Variants in SEPTIN3 observed in about 807,000 individuals in gnomAD.
SEPTIN3 encodes neuronal-specific septin-3.
SEPTIN3 carries 15 observed loss-of-function variants against 45.1 expected under a neutral mutation model. The ratio of observed to expected loss-of-function variants is 0.33; its 90% confidence interval spans 0.22 to 0.51. The LOEUF (loss-of-function observed/expected upper bound fraction) is 0.51. Among genes scored for constraint, SEPTIN3 ranks in the 20% least tolerant of loss-of-function variants. The pLI is 0.97. For synonymous variants in SEPTIN3, 148 were observed against 164.8 expected (o/e 0.90, Z 0.78); for missense variants, 289 against 457.2 (o/e 0.63, Z 3.35).
chr22:41,974,287 A>G (rs1182799615), intron 2 of SEPTIN3, among the ~76,000 whole-genome samples: 1 of 152,040 alleles, frequency 6.6e-6, no homozygotes, highest in Non-Finnish European at 1.5e-5. Context: ...AGGTGTGTCC[A>G]CCTTTAAAAG....
Position 41,976,150 on chromosome 22 carries a change from C to G in SEPTIN3, c.1504+3154C>G, listed in dbSNP as rs1236912462. ...CTCCCATTTGCCTTTCCATCTGGCC[C>G]TCATCTCCTCCAAGAAGTCTTCCAA... On this transcript the variant is annotated intron_variant, in intron 2 of 11. Transcript: ENST00000644076. This position sits in a 1 kb window ranked among gnomAD's most constrained non-coding sequence, Gnocchi z 5.8. 6.5e-6 allele frequency: 1 copy of G among 152,782 alleles called. No individual in the cohort carries two copies. The highest frequency in any genetic ancestry group is 2.4e-5 in the African/African-American group (1 of 41,416). The allele number at this position is 152,782 out of a possible 1,614,324, so 9.5% of individuals were successfully genotyped here. A position where few individuals can be genotyped will look rare whatever the true frequency, so the allele number is the denominator to read the frequency against.
intron 2 of SEPTIN3, chr22:41,977,015 G>A: frequency 1.3e-6 from 2 of 1,583,230 alleles, no homozygotes; most frequent in Non-Finnish European, 8.6e-7. Context: ...CAGCCTTGCA[G>A]CCCCGCGCCC....
At position 41,986,125 on chromosome 22, in the gene SEPTIN3, C is replaced by G. The variant is rs1273484169; in HGVS notation, c.1825+13C>G. On this transcript the variant is annotated intron_variant, in intron 4 of 11. Coordinates refer to ENST00000644076, the MANE Select transcript of SEPTIN3 (RefSeq NM_001363845.2). The stretch of plus-strand genomic sequence containing the variant: ...GCTATCGGGCATGGTGAGGACCAGG[C>G]AGGGACCCCTATGGGCTTTGTTCAG... The G allele has an allele frequency of 6.2e-7, 1 of 1,611,176 alleles. No individual in the cohort carries two copies. Among genetic ancestry groups the G allele is most frequent in the African/African-American group, 1.3e-5 (1 of 74,836 alleles).
chr22:41,995,786 T>C, intron 11 of SEPTIN3: 1 of 944,088 alleles, frequency 1.1e-6, no homozygotes, highest in Non-Finnish European at 1.3e-6. Context: ...AGGCAGCCAA[T>C]GTAAAGAGGG....
intron 2 of SEPTIN3, among the ~76,000 whole-genome samples, chr22:41,975,339 A>T (rs945638679): frequency 1.3e-5 from 2 of 152,166 alleles, no homozygotes; most frequent in African/African-American, 4.8e-5. Flanking sequence ...TTGGGTCTGG[A>T]AAGGTGCCTA....
chr22:41,983,054 A>C (rs2078147890), intron 3 of SEPTIN3, among the ~76,000 whole-genome samples: 1 of 152,056 alleles, frequency 6.6e-6, no homozygotes, highest in Non-Finnish European at 1.5e-5. Context: ...CCTCATACGT[A>C]TCTCTTACGT....
At chr22:41,990,275 T>C (rs946276627) in intron 7 of SEPTIN3, among the ~76,000 whole-genome samples, 2 of 151,312 alleles carry the variant, frequency 1.3e-5, no homozygotes, top group African/African-American at 2.4e-5. Context: ...CGGCTAGTCT[T>C]GATCTCCTGA....
Position 41,994,729 on chromosome 22 carries a change from A to G in SEPTIN3, c.2505+15A>G, listed in dbSNP as rs750222563. The G allele has an allele frequency of 2.5e-6, 4 of 1,614,010 alleles. No homozygotes were observed. The East Asian group carries it at 6.7e-5, about 27-fold the overall frequency. ...GCCTCCCTCCGGTGAGCGTGGACACAGAGGAAAGCCACGACAGTAACCCAT... is the reference window on the plus strand; with the variant it reads ...GCCTCCCTCCGGTGAGCGTGGACACGGAGGAAAGCCACGACAGTAACCCAT... On this transcript the variant is annotated intron_variant, in intron 11 of 11. Transcript: ENST00000644076. This position sits in a 1 kb window ranked among gnomAD's most constrained non-coding sequence, Gnocchi z 4.2.
rs908708996 is a variant in SEPTIN3, at chr22:41,981,977, A to G, written c.1696+141A>G. ...GGAGAATTTCACCATGCTGATCACA[A>G]AGGCCTGACCCCTGTCTCCCCTTAA... is the stretch of plus-strand genomic sequence containing the variant. On this transcript the variant is annotated intron_variant, in intron 3 of 11. Transcript: ENST00000644076. 6 of 783,470 alleles carry G rather than the reference A, an allele frequency of 7.7e-6. No homozygotes were observed. The Admixed American group carries it at 9.4e-5, about 12-fold the overall frequency. The allele number at this position is 783,470 out of a possible 1,614,324, so 48.5% of individuals were successfully genotyped here.
chr22:41,984,087 G>A (rs953262495), intron 3 of SEPTIN3, among the ~76,000 whole-genome samples: 1 of 152,180 alleles, frequency 6.6e-6, no homozygotes, highest in Non-Finnish European at 1.5e-5. Context: ...GAGCCCAGAT[G>A]TAGCCTTTTT....
intron 1 of SEPTIN3, among the ~76,000 whole-genome samples, chr22:41,969,979 C>T (rs977104819): frequency 1.3e-5 from 2 of 151,864 alleles, no homozygotes; most frequent in Non-Finnish European, 2.9e-5. Flanking sequence ...GGTTGGAGGC[C>T]AGGACAGTCT....
chr22:41,971,084 C>T (rs1002546019), intron 1 of SEPTIN3, among the ~76,000 whole-genome samples: 3 of 152,160 alleles, frequency 2.0e-5, no homozygotes, highest in Non-Finnish European at 4.4e-5. Context: ...AAGCACTGCC[C>T]TCCTCTGGAG....
rs557873241 is a variant in SEPTIN3 at position 41,971,065 on chromosome 22, G to A, written c.-19-409G>A. Among the ~76,000 whole-genome samples the A allele has an allele frequency of 4.1e-4, 62 of 152,260 alleles. No individual in the cohort carries two copies. The South Asian group carries it at 0.012, about 30-fold the overall frequency. On this transcript the variant is annotated intron_variant, in intron 1 of 11. Coordinates refer to ENST00000644076, the MANE Select transcript of SEPTIN3 (RefSeq NM_001363845.2). ...CTTTCTGGAAGAGAAAGGGAGAGAC[G>A]TCTCCAGTAAGCACTGCCCTCCTCT...
Position 41,997,049 on chromosome 22 carries a change from C to G in SEPTIN3, c.*82C>G. 1 of 1,603,696 alleles carries G rather than the reference C, an allele frequency of 6.2e-7. No homozygotes were observed. Among genetic ancestry groups the G allele is most frequent in the East Asian group, 2.2e-5 (1 of 44,752 alleles). On this transcript the variant is annotated 3_prime_UTR_variant, in exon 12 of 12. Coordinates refer to ENST00000644076, the MANE Select transcript of SEPTIN3 (RefSeq NM_001363845.2). ...GCCAAGCCCTTTTTAGTGCTGTGCTCGTCCAGCTCACCACCACAGCCCCTC... is the reference window on the plus strand; with the variant it reads ...GCCAAGCCCTTTTTAGTGCTGTGCTGGTCCAGCTCACCACCACAGCCCCTC...
chr22:41,974,854 C>CAAAAA (rs1192415157), intron 2 of SEPTIN3, among the ~76,000 whole-genome samples: 1 of 30,806 alleles, frequency 3.2e-5, no homozygotes, highest in African/African-American at 1.4e-4. Flanking sequence ...GACTCTGTCT[C>CAAAAA]AAAAAGAAAA....
intron 2 of SEPTIN3, chr22:41,977,080 G>A (rs376963834): frequency 1.0e-5 from 16 of 1,598,440 alleles, no homozygotes; most frequent in Non-Finnish European, 1.4e-5. Flanking sequence ...CAAAGGTAGG[G>A]CGGCCGGCCA....
chr22:41,973,231 G>T (rs995737732), intron 2 of SEPTIN3, among the ~76,000 whole-genome samples: 1 of 151,578 alleles, frequency 6.6e-6, no homozygotes, highest in African/African-American at 2.4e-5. Context: ...CTATCAGAAA[G>T]AAGGTTTTGG....
At chr22:41,995,440 C>A in intron 11 of SEPTIN3, 1 of 985,602 alleles carries the variant, frequency 1.0e-6, no homozygotes, top group Non-Finnish European at 1.2e-6. Flanking sequence ...TGCTGCTCTC[C>A]ACTCAACTGG....
In SEPTIN3 at chr22:41,994,933, G is replaced by A. The variant is rs991224860; in HGVS notation, c.2505+219G>A. On this transcript the variant is annotated intron_variant, in intron 11 of 11. Transcript: ENST00000644076. This position sits in a 1 kb window ranked among gnomAD's most constrained non-coding sequence, Gnocchi z 4.2. ...TGTGTGTGTGTGTGTGACAGAGAGA[G>A]AGCGAGAGAGCCTGTGTGTGTGCAT... is the stretch of plus-strand genomic sequence containing the variant. 39 of 1,443,232 alleles carry A rather than the reference G, an allele frequency of 2.7e-5. No individual in the cohort carries two copies. Among genetic ancestry groups the A allele is most frequent in the Admixed American group, 1.2e-4 (5 of 41,500 alleles). The allele number at this position is 1,443,232 out of a possible 1,614,324, so 89.4% of individuals were successfully genotyped here.
Sources: gnomAD v4.1 joint callset for allele counts (sites outside exome capture counted in the v4.1 genomes callset) on GRCh38, gnomAD v4.1.1 for gene constraint, Gnocchi (gnomAD v3.1) non-coding constraint, MANE v1.5 for transcripts, NCBI Gene and HGNC (gene_info 2026-07-23, HGNC 2026-07-21) for gene names.